FBXL5: variants seen among roughly 807,000 people sequenced by gnomAD.
FBXL5 encodes the protein F-box/LRR-repeat protein 5.
In FBXL5, 26 loss-of-function variants were observed where a neutral mutation model predicts 78.3. The ratio of observed to expected loss-of-function variants is 0.33; its 90% CI spans 0.24 to 0.46. FBXL5 has a LOEUF of 0.46. FBXL5 is among the 20% of genes least tolerant of loss of function. The pLI is 1.00. For missense variants in FBXL5, 710 were observed against 829.2 expected, an observed-to-expected ratio of 0.86 and a Z score of 1.77; for synonymous variants, 295 against 282.5, an observed-to-expected ratio of 1.04 and a Z score of -0.45.
At chr4:15,646,545 T>A (rs1269711692) in intron 1 of FBXL5, among the ~76,000 whole-genome samples, 1 of 151,692 alleles carries the variant, frequency 6.6e-6, no homozygotes, top group Non-Finnish European at 1.5e-5. Context: ...CTAAATATTT[T>A]TTATTATTAT....
chr4:15,609,056 GT>G (rs1192428360), intron 10 of FBXL5, among the ~76,000 whole-genome samples: 1 of 152,126 alleles, frequency 6.6e-6, no homozygotes, highest in African/African-American at 2.4e-5. Context: ...AACAGAAAAG[GT>G]GAGGGAAAAC....
chr4:15,623,645 GA>G (rs1390592344), intron 9 of FBXL5, among the ~76,000 whole-genome samples: 3 of 151,986 alleles, frequency 2.0e-5, no homozygotes, highest in Non-Finnish European at 4.4e-5. Context: ...ATTTTTTAAA[GA>G]ATAAAACTCA....
chr4:15,610,902 G>A (rs1236034042), intron 10 of FBXL5, among the ~76,000 whole-genome samples: 2 of 152,028 alleles, frequency 1.3e-5, no homozygotes, highest in Admixed American at 6.6e-5. Flanking sequence ...TTAGGAAGTG[G>A]AAGTATAGCA....
upstream of FBXL5, among the ~76,000 whole-genome samples, chr4:15,661,774 TG>T (rs1429532370): frequency 1.3e-5 from 2 of 152,218 alleles, no homozygotes; most frequent in Non-Finnish European, 2.9e-5. Context: ...GAGTGGCTTA[TG>T]GGGTGGTTCT....
upstream of FBXL5, chr4:15,659,816 G>T: frequency 2.5e-6 from 2 of 805,580 alleles, no homozygotes; most frequent in Non-Finnish European, 3.0e-6. Context: ...CTGACTTGTA[G>T]GGAGAAAGAA....
chr4:15,670,045 C>G (rs565327250), intron 1 of FBXL5, among the ~76,000 whole-genome samples: 1 of 152,308 alleles, frequency 6.6e-6, no homozygotes, highest in Admixed American at 6.5e-5. Flanking sequence ...CTTCCTGACT[C>G]AAGCTTTTAA....
chr4:15,634,505 T>C (rs1714039605), intron 5 of FBXL5, among the ~76,000 whole-genome samples: 1 of 152,092 alleles, frequency 6.6e-6, no homozygotes, highest in Non-Finnish European at 1.5e-5. Context: ...TAGCTGGGAT[T>C]ACAGGTGCCT....
At chr4:15,652,644 A>G (rs1032192854) in intron 1 of FBXL5, among the ~76,000 whole-genome samples, 1 of 152,192 alleles carries the variant, frequency 6.6e-6, no homozygotes, top group Non-Finnish European at 1.5e-5. Flanking sequence ...GTAGACTAAC[A>G]TAACTTTGGA....
intron 1 of FBXL5, among the ~76,000 whole-genome samples, chr4:15,680,259 A>T (rs1269474341): frequency 6.6e-6 from 1 of 152,174 alleles, no homozygotes; most frequent in Non-Finnish European, 1.5e-5. Flanking sequence ...ACCCGTGAAG[A>T]CTATTAGGAA....
chr4:15,630,915 G>A, intron 5 of FBXL5, 124 bp from the exon 6 acceptor site: 2 of 1,237,744 alleles, frequency 1.6e-6, no homozygotes, highest in South Asian at 1.4e-5. Flanking sequence ...TAGGCAATAA[G>A]CAACTGTTTT....
chr4:15,645,405 G>GTAACC (rs1197108113), intron 1 of FBXL5, among the ~76,000 whole-genome samples: 12 of 152,176 alleles, frequency 7.9e-5, no homozygotes, highest in African/African-American at 2.9e-4. Context: ...ACTTAACTGT[G>GTAACC]TAACCCTGGG....
At chr4:15,659,083 TA>T (rs1272377205), upstream of FBXL5, among the ~76,000 whole-genome samples, 1 of 152,198 alleles carries the variant, frequency 6.6e-6, no homozygotes, top group Non-Finnish European at 1.5e-5. Context: ...GTGCTTTAAC[TA>T]AATAATATAT....
chr4:15,634,038 C>A (rs1362440621), intron 5 of FBXL5, among the ~76,000 whole-genome samples: 2 of 152,106 alleles, frequency 1.3e-5, no homozygotes, highest in African/African-American at 2.4e-5. Flanking sequence ...TGGCCTCTAC[C>A]TACTAGATGC....
At chr4:15,655,002 G>A (rs1200766596) in intron 1 of FBXL5, among the ~76,000 whole-genome samples, 1 of 151,488 alleles carries the variant, frequency 6.6e-6, no homozygotes, top group Non-Finnish European at 1.5e-5. Flanking sequence ...GTCCGAGGCG[G>A]CGGCCAGGCC....
upstream of FBXL5, chr4:15,655,458 C>G (rs1220364208): frequency 1.1e-6 from 1 of 909,268 alleles, no homozygotes; most frequent in Non-Finnish European, 1.3e-6. Flanking sequence ...CGCCGCCATG[C>G]GATCCCTGCG....
intron 1 of FBXL5, among the ~76,000 whole-genome samples, chr4:15,646,367 G>GA (rs1394429462): frequency 1.1e-5 from 1 of 87,356 alleles, no homozygotes; most frequent in Non-Finnish European, 2.6e-5. Context: ...ACATATTATA[G>GA]ATTTTTTTTT....
At chr4:15,623,375 T>C (rs996008359) in intron 9 of FBXL5, among the ~76,000 whole-genome samples, 18 of 152,112 alleles carry the variant, frequency 1.2e-4, no homozygotes, top group Admixed American at 1.0e-3. Flanking sequence ...TGCCACATGG[T>C]CAGAAGTCAT....
intron 1 of FBXL5, among the ~76,000 whole-genome samples, chr4:15,646,562 T>C (rs1715369361): frequency 6.6e-6 from 1 of 151,988 alleles, no homozygotes; most frequent in Non-Finnish European, 1.5e-5. Flanking sequence ...TTATTATTAT[T>C]ATACTTTAAG....
At chr4:15,623,600 CAT>C (rs1460384946) in intron 9 of FBXL5, among the ~76,000 whole-genome samples, 2 of 152,086 alleles carry the variant, frequency 1.3e-5, no homozygotes, top group East Asian at 3.8e-4. Context: ...AAAACAAAAT[CAT>C]ATTACAGTTA....
Sources: gnomAD v4.1 joint callset for allele counts (sites outside exome capture counted in the v4.1 genomes callset) on GRCh38, gnomAD v4.1.1 for gene constraint, MANE v1.5 for transcripts, NCBI Gene and HGNC (gene_info 2026-07-23, HGNC 2026-07-21) for gene names.